The following TRPC4AP variants were observed in gnomAD, a reference collection of about 807,000 sequenced individuals.
The protein encoded by TRPC4AP is transient receptor potential cation channel subfamily C member 4 associated protein, also known as short transient receptor potential channel 4-associated protein.
TRPC4AP carries 45 observed loss-of-function variants against 99.0 expected under a neutral mutation model. The observed-to-expected ratio is 0.45, with a 90% confidence interval of 0.36 to 0.58. The LOEUF is 0.58. Among genes scored for constraint, TRPC4AP ranks in the 20% least tolerant of loss-of-function variants. The pLI, the probability that TRPC4AP is intolerant of heterozygous loss-of-function variation, is 0.00. For missense variants in TRPC4AP, 879 were observed against 985.3 expected, an observed-to-expected ratio of 0.89 and a Z score of 1.44; for synonymous variants, 408 against 385.8, an observed-to-expected ratio of 1.06 and a Z score of -0.67.
chr20:35,047,882 C>G (rs977115632), intron 6 of TRPC4AP, among the ~76,000 whole-genome samples: 9 of 152,108 alleles, frequency 5.9e-5, no homozygotes, highest in Admixed American at 5.9e-4. Context: ...ATACTGATGC[C>G]TCAGCCCTCA....
chr20:35,021,370 C>G lies in TRPC4AP; in HGVS notation c.1052-14G>C, dbSNP rs759774833. The G allele has an allele frequency of 6.2e-7, 1 of 1,611,722 alleles. No individual in the cohort carries two copies. The highest frequency in any genetic ancestry group is 8.5e-7 in the Non-Finnish European group (1 of 1,178,574). On this transcript the variant is annotated splice_polypyrimidine_tract_variant and intron_variant, in intron 8 of 18. Coordinates refer to ENST00000252015, the MANE Select transcript of TRPC4AP (RefSeq NM_015638.3). ...ACACAATGGAGGCTGACACAGCCACCGGAGACAGGATTGAGTCACAGCTTG... is the reference window on the plus strand; with the variant it reads ...ACACAATGGAGGCTGACACAGCCACGGGAGACAGGATTGAGTCACAGCTTG...
At chr20:35,010,792 G>T (rs1225825936) in intron 11 of TRPC4AP, among the ~76,000 whole-genome samples, 2 of 152,122 alleles carry the variant, frequency 1.3e-5, no homozygotes, top group Non-Finnish European at 2.9e-5. Flanking sequence ...GTATCCCACA[G>T]GAACTGAGTC....
At chr20:35,041,556 AAAAAAC>A (rs914709139) in intron 7 of TRPC4AP, among the ~76,000 whole-genome samples, 2 of 152,224 alleles carry the variant, frequency 1.3e-5, no homozygotes, top group Non-Finnish European at 2.9e-5. Context: ...CTCCCAAATA[AAAAAAC>A]AAAAACAAAA....
intron 1 of TRPC4AP, among the ~76,000 whole-genome samples, chr20:35,082,755 A>C (rs552367783): frequency 6.6e-6 from 1 of 152,310 alleles, no homozygotes; most frequent in East Asian, 1.9e-4. Flanking sequence ...CCACATTGAT[A>C]ACATAAAGGA....
chr20:35,008,700 T>A lies in TRPC4AP; in HGVS notation c.1559A>T (p.Gln520Leu), dbSNP rs1268067089. Residue 520 changes from glutamine to leucine, a missense_variant, in exon 13 of 19, where the codon CAG becomes CTG. Physicochemically the swap from Gln to Leu is moderately radical, Grantham distance 113. Around this residue, in one of 3 missense-constraint regions of TRPC4AP, gnomAD observed 52 missense variants for 88.7 expected, o/e 0.59. Coordinates refer to ENST00000252015, the MANE Select transcript of TRPC4AP (RefSeq NM_015638.3). ...GKRGLLTRLL[Q>L]VMKKEPAESS... ...CTCTGCTGGCTCCTTCTTCATGACC[T>A]GCAGCAGACGAGTTAATAAGCCCCT... The A allele has an allele frequency of 7.4e-6, 12 of 1,613,952 alleles. No individual in the cohort carries two copies. The highest frequency in any genetic ancestry group is 1.7e-6 in the Non-Finnish European group (2 of 1,179,986).
At chr20:35,052,177 G>A (rs1005130506) in intron 5 of TRPC4AP, among the ~76,000 whole-genome samples, 9 of 147,134 alleles carry the variant, frequency 6.1e-5, no homozygotes, top group African/African-American at 1.0e-4. Flanking sequence ...ATGGCTCACC[G>A]CAGCCTTAAC....
At chr20:35,050,204 G>C (rs991826215) in intron 5 of TRPC4AP, among the ~76,000 whole-genome samples, 8 of 152,196 alleles carry the variant, frequency 5.3e-5, no homozygotes, top group African/African-American at 1.9e-4. Flanking sequence ...GGCTACACAA[G>C]TGGGAACTCA....
Position 35,005,720 on chromosome 20 carries a change from T to C in TRPC4AP, c.1911A>G (p.Arg637=), listed in dbSNP as rs2082502025. 1.2e-6 allele frequency: 2 copies of C among 1,614,156 alleles called. No individual in the cohort carries two copies. The highest frequency in any genetic ancestry group is 1.7e-6 in the Non-Finnish European group (2 of 1,179,990). Residue 637 remains arginine (R), a synonymous_variant, in exon 16 of 19, where the codon CGA becomes CGG. Transcript: ENST00000252015. The part of the protein sequence containing the change: ...LVRCVTLSLD[R]FENQVDMKVA... Reference sequence around the variant, plus strand: ...CTTTCATATCCACCTGGTTTTCAAATCGGTCCAGGGACAGAGTGACACAGC... The same window carrying C: ...CTTTCATATCCACCTGGTTTTCAAACCGGTCCAGGGACAGAGTGACACAGC...
At chr20:35,031,902 T>G (rs1406732945) in intron 8 of TRPC4AP, among the ~76,000 whole-genome samples, 2 of 151,746 alleles carry the variant, frequency 1.3e-5, no homozygotes, top group African/African-American at 2.4e-5. Flanking sequence ...TAAAAAAAAG[T>G]TTTTTTTGAG....
intron 6 of TRPC4AP, among the ~76,000 whole-genome samples, chr20:35,046,136 A>G (rs900680050): frequency 6.6e-6 from 1 of 152,238 alleles, no homozygotes; most frequent in East Asian, 1.9e-4. Flanking sequence ...AAATAATTCC[A>G]AAACATTAAA....
chr20:35,066,217 C>T (rs1278761615), intron 3 of TRPC4AP, among the ~76,000 whole-genome samples: 1 of 152,098 alleles, frequency 6.6e-6, no homozygotes, highest in African/African-American at 2.4e-5. Context: ...AATCCTCCCA[C>T]CCAGCCCCCA....
At chr20:35,092,521 G>C (rs1186863476) in intron 1 of TRPC4AP, 93 bp downstream of exon 1, 1 of 1,362,944 alleles carries the variant, frequency 7.3e-7, no homozygotes, top group Non-Finnish European at 9.5e-7. Context: ...GCTTTGGCCC[G>C]TCCAGCGGCG....
chr20:35,037,431 T>G (rs774897729), intron 7 of TRPC4AP, among the ~76,000 whole-genome samples: 1 of 150,166 alleles, frequency 6.7e-6, no homozygotes, highest in Non-Finnish European at 1.5e-5. Context: ...CCCAAAAGAA[T>G]TGAAAACAGG....
intron 2 of TRPC4AP, among the ~76,000 whole-genome samples, chr20:35,071,645 G>A (rs2084318497): frequency 6.6e-6 from 1 of 152,130 alleles, no homozygotes; most frequent in Admixed American, 6.5e-5. Context: ...GTACTCCATG[G>A]TGTATATGTG....
chr20:35,035,076 G>A (rs778379965), intron 8 of TRPC4AP, 47 bp downstream of exon 8: 20 of 1,554,404 alleles, frequency 1.3e-5, no homozygotes, highest in African/African-American at 5.5e-5. Context: ...GGTCCCAGGC[G>A]CCCAAGGAAA....
chr20:35,003,212 G>C lies in TRPC4AP; in HGVS notation c.2328C>G (p.Pro776=). The C allele has an allele frequency of 6.2e-7, 1 of 1,614,240 alleles. No individual in the cohort carries two copies. Among genetic ancestry groups the C allele is most frequent in the Non-Finnish European group, 8.5e-7 (1 of 1,180,038 alleles). ...SILLNPDRQS[P]SALVSYIEEP... is the part of the protein sequence containing the mutation. ...CCTCAATGTAGCTAACGAGAGCAGA[G>C]GGTGACTGCCGGTCCGGGTTCAACA... is the stretch of plus-strand genomic sequence containing the variant. The change falls in exon 19 of 19, where the codon CCC becomes CCG. Residue 776 remains proline (P), a synonymous_variant. Transcript: ENST00000252015.
chr20:35,080,353 T>C (rs2084601981), intron 1 of TRPC4AP, among the ~76,000 whole-genome samples: 2 of 150,944 alleles, frequency 1.3e-5, no homozygotes, highest in South Asian at 2.1e-4. Flanking sequence ...AAAAAAAAAT[T>C]AGCCGGATGT....
At chr20:35,025,144 C>T (rs1432000235) in intron 8 of TRPC4AP, among the ~76,000 whole-genome samples, 3 of 152,234 alleles carry the variant, frequency 2.0e-5, no homozygotes, top group East Asian at 3.9e-4. Context: ...CCTTATTATC[C>T]ACCTTTTTTG....
intron 7 of TRPC4AP, among the ~76,000 whole-genome samples, chr20:35,042,484 G>T (rs1319278362): frequency 6.6e-6 from 1 of 152,130 alleles, no homozygotes; most frequent in African/African-American, 2.4e-5. Context: ...TAGAAACAAA[G>T]AACTGTTTTC....
Sources: allele counts gnomAD v4.1 joint callset (sites outside exome capture counted in the v4.1 genomes callset), GRCh38; gene constraint gnomAD v4.1.1; regional missense constraint gnomAD v4.1.1; transcripts MANE v1.5; gene names NCBI Gene and HGNC (gene_info 2026-07-23, HGNC 2026-07-21).